Variants in THOC3 observed in about 807,000 individuals in gnomAD.
THOC3 encodes THO complex subunit 3.
THOC3 carries 4 observed loss-of-function variants against 23.3 expected under a neutral mutation model. The observed-to-expected ratio is 0.17, with a 90% CI of 0.08 to 0.39. The LOEUF (loss-of-function observed/expected upper bound fraction) is 0.39, where lower values mean the gene tolerates loss of function less well. Ranked by LOEUF, THOC3 falls within the 10% of genes least tolerant of loss-of-function variation. The pLI, the probability that THOC3 is intolerant of heterozygous loss-of-function variation, is 1.00. For missense variants in THOC3, 64 were observed against 359.4 expected (o/e 0.18, Z 6.65); for synonymous variants, 27 against 141.5 (o/e 0.19, Z 5.74).
intron 3 of THOC3, among the ~76,000 whole-genome samples, chr5:175,964,106 A>G (rs1756718565): frequency 6.6e-6 from 1 of 152,182 alleles, no homozygotes; most frequent in Non-Finnish European, 1.5e-5. Flanking sequence ...TACAGAACAA[A>G]TATTTACTAA....
In THOC3 at chr5:175,967,998, C is replaced by G; in HGVS notation, c.211G>C (p.Ala71Pro). 1 of 1,607,592 alleles carries G rather than the reference C, an allele frequency of 6.2e-7. No individual in the cohort carries two copies. Among genetic ancestry groups the G allele is most frequent in the Non-Finnish European group, 8.5e-7 (1 of 1,178,516 alleles). Residue 71 changes from alanine (A) to proline (P), a missense_variant, in exon 1 of 6, where the codon GCC becomes CCC. By Grantham distance (27) the Ala-to-Pro change is conservative. Coordinates refer to ENST00000265097, the MANE Select transcript of THOC3 (RefSeq NM_032361.4). ...VAWSCDGRRL[A>P]SGSFDKTASV... ...GCCGTCTTGTCGAAGGACCCCGAGG[C>G]TAGGCGACGCCCGTCGCAACTCCAG...
chr5:175,964,402 T>A lies in THOC3; in HGVS notation c.629+549A>T, dbSNP rs567261491. Reference sequence around the variant, plus strand: ...TTAGCCAGAGGTCGGGCTAATCACCTGAGGTCGGGAGTTGGAGACCAGCCT... The same window carrying A: ...TTAGCCAGAGGTCGGGCTAATCACCAGAGGTCGGGAGTTGGAGACCAGCCT... On this transcript the variant is annotated intron_variant, in intron 3 of 5. Coordinates refer to ENST00000265097, the MANE Select transcript of THOC3 (RefSeq NM_032361.4). Among the ~76,000 whole-genome samples, 3 of 152,260 alleles carry A rather than the reference T, an allele frequency of 2.0e-5. No individual in the cohort carries two copies. The South Asian group carries it at 6.2e-4, about 32-fold the overall frequency.
At chr5:175,965,803 G>A (rs1349190114) in intron 2 of THOC3, among the ~76,000 whole-genome samples, 2 of 152,172 alleles carry the variant, frequency 1.3e-5, no homozygotes, top group African/African-American at 2.4e-5. Flanking sequence ...CCAGCCATTC[G>A]CATGCCAACA....
At chr5:175,962,421 T>TACACACACACACAC (rs59077860) in intron 3 of THOC3, among the ~76,000 whole-genome samples, 12 of 44,142 alleles carry the variant, frequency 2.7e-4, no homozygotes, top group East Asian at 9.4e-4. Context: ...TATATATATA[T>TACACACACACACAC]ACACACACAC....
At chr5:175,967,509 T>C (rs1197412615) in intron 1 of THOC3, 4 of 294,898 alleles carry the variant, frequency 1.4e-5, no homozygotes, top group Admixed American at 1.2e-4. Flanking sequence ...TTCCTGGTTT[T>C]CCACCCTTAC....
chr5:175,962,592 T>C (rs1276174833), intron 3 of THOC3, among the ~76,000 whole-genome samples: 1 of 147,778 alleles, frequency 6.8e-6, no homozygotes, highest in Admixed American at 6.7e-5. Context: ...TGGTGCAATC[T>C]AAACTTACTA....
rs1325681473 is a variant in THOC3, at chr5:175,965,660, C to T, written c.425-505G>A. 3.4e-4 allele frequency among the ~76,000 whole-genome samples: 52 copies of T among 152,294 alleles called. No homozygotes were observed. In the East Asian group the frequency reaches 0.01, roughly 30 times the overall value. On this transcript the variant is annotated intron_variant, in intron 2 of 5. Coordinates refer to ENST00000265097, the MANE Select transcript of THOC3 (RefSeq NM_032361.4). ...CAGGATGGTCTCGATCTCCTGACCT[C>T]GTGATCCGCCCGCCTCGGCCTCCCA... is the stretch of plus-strand genomic sequence containing the variant.
At chr5:175,962,602 A>C (rs1756685155) in intron 3 of THOC3, among the ~76,000 whole-genome samples, 2 of 146,008 alleles carry the variant, frequency 1.4e-5, no homozygotes, top group South Asian at 2.2e-4. Flanking sequence ...TAAACTTACT[A>C]CAACCTCCGC....
At chr5:175,963,930 C>G (rs1328745548) in intron 3 of THOC3, among the ~76,000 whole-genome samples, 1 of 152,304 alleles carries the variant, frequency 6.6e-6, no homozygotes, top group African/African-American at 2.4e-5. Flanking sequence ...AAGCTCCCTC[C>G]TTCAACCCCC....
intron 3 of THOC3, among the ~76,000 whole-genome samples, chr5:175,961,960 A>G (rs1187819471): frequency 6.6e-6 from 1 of 150,716 alleles, no homozygotes; most frequent in Non-Finnish European, 1.5e-5. Context: ...ATGAGCTTCA[A>G]TTAAAAAAAT....
chr5:175,965,954 G>A lies in THOC3; in HGVS notation c.425-799C>T, dbSNP rs1346019888. On this transcript the variant is annotated intron_variant, in intron 2 of 5. Coordinates refer to ENST00000265097, the MANE Select transcript of THOC3 (RefSeq NM_032361.4). ...AGCCTGTAATTCCAGCACTTTGGGA[G>A]GCCAAGGTAGGCAGATCACTTGAGT... Among the ~76,000 whole-genome samples the A allele has an allele frequency of 6.6e-5, 10 of 152,410 alleles. No individual in the cohort carries two copies. In the South Asian group the frequency reaches 2.1e-3, roughly 32 times the overall value.
At chr5:175,960,536 G>C (rs574109886) in intron 5 of THOC3, 1 of 165,216 alleles carries the variant, frequency 6.1e-6, no homozygotes, top group South Asian at 1.3e-4. Context: ...ATCTTTTTAC[G>C]AAGAGTGTCA....
chr5:175,963,296 C>T (rs1756701145), intron 3 of THOC3, among the ~76,000 whole-genome samples: 1 of 152,186 alleles, frequency 6.6e-6, no homozygotes, highest in Admixed American at 6.5e-5. Context: ...CACAGGTTAA[C>T]AGTCTGGTTT....
intron 3 of THOC3, among the ~76,000 whole-genome samples, chr5:175,963,365 AT>A (rs1756702693): frequency 6.6e-6 from 1 of 152,282 alleles, no homozygotes. Context: ...CAAAAGACAT[AT>A]CAATTTTTTT....
chr5:175,962,908 C>T (rs1156741410), intron 3 of THOC3, among the ~76,000 whole-genome samples: 1 of 150,634 alleles, frequency 6.6e-6, no homozygotes, highest in African/African-American at 2.5e-5. Context: ...AACCAGAGAG[C>T]AAAAAAACAG....
At chr5:175,964,290 G>A (rs1368320846) in intron 3 of THOC3, among the ~76,000 whole-genome samples, 1 of 152,170 alleles carries the variant, frequency 6.6e-6, no homozygotes, top group Non-Finnish European at 1.5e-5. Context: ...TATAAAATAC[G>A]CCTCTAACCT....
At chr5:175,963,661 T>C (rs1419933078) in intron 3 of THOC3, among the ~76,000 whole-genome samples, 3 of 149,268 alleles carry the variant, frequency 2.0e-5, no homozygotes, top group Non-Finnish European at 4.4e-5. Flanking sequence ...TAAAAAGTTA[T>C]AGAATCCCCA....
intron 3 of THOC3, among the ~76,000 whole-genome samples, chr5:175,962,919 A>G (rs1456492537): frequency 1.3e-5 from 2 of 151,780 alleles, no homozygotes; most frequent in East Asian, 1.9e-4. Context: ...AAAAAAACAG[A>G]AGACGATGGG....
chr5:175,962,427 C>CACACACACACAA (rs1259984955), intron 3 of THOC3, among the ~76,000 whole-genome samples: 2 of 68,482 alleles, frequency 2.9e-5, no homozygotes, highest in South Asian at 3.5e-4. Flanking sequence ...TATATACACA[C>CACACACACACAA]ACACACACAC....
Sources: gnomAD v4.1 joint callset for allele counts (sites outside exome capture counted in the v4.1 genomes callset) on GRCh38, gnomAD v4.1.1 for gene constraint, MANE v1.5 for transcripts, NCBI Gene and HGNC (gene_info 2026-07-23, HGNC 2026-07-21) for gene names.